Variants in CELF5 observed in about 807,000 individuals in gnomAD.
The protein encoded by CELF5 is CUG-BP and ETR-3 like factor 5.
CELF5 carries 6 observed loss-of-function variants against 54.9 expected under a neutral mutation model. That is an observed-to-expected ratio of 0.11 (90% CI 0.06 to 0.22). CELF5 has a LOEUF of 0.22. Among genes scored for constraint, CELF5 ranks in the 10% least tolerant of loss-of-function variants. CELF5 has a pLI of 1.00. For missense variants in CELF5, 401 were observed against 678.6 expected (o/e 0.59, Z 4.54); for synonymous variants, 271 against 290.9 (o/e 0.93, Z 0.70).
intron 1 of CELF5, among the ~76,000 whole-genome samples, chr19:3,243,623 G>A (rs2079522490): frequency 6.6e-6 from 1 of 152,110 alleles, no homozygotes; most frequent in African/African-American, 2.4e-5. Context: ...GTGCTGATGG[G>A]GAACTGTACG....
intron 2 of CELF5, among the ~76,000 whole-genome samples, chr19:3,272,682 G>A (rs1263924803): frequency 6.6e-6 from 1 of 152,180 alleles, no homozygotes; most frequent in East Asian, 1.9e-4. Context: ...TTCCCTGTCT[G>A]GAGAGAGACA....
At position 3,250,800 on chromosome 19, in the gene CELF5, T is replaced by G. The variant is rs182135388; in HGVS notation, c.260-185T>G. 2.0e-3 allele frequency among the ~76,000 whole-genome samples: 304 copies of G among 152,320 alleles called. 1 individual carries two copies. Among genetic ancestry groups the G allele is most frequent in the African/African-American group, 6.2e-3 (259 of 41,566 alleles). ...AGGTGCATCCATGTTGCAGCCTGTG[T>G]CAGAATTTCCTTCCTTTTCTTGGCT... On this transcript the variant is annotated intron_variant, in intron 1 of 12. Transcript: ENST00000292672.
chr19:3,275,018 T>C lies in CELF5; in HGVS notation c.395-838T>C, dbSNP rs1045835585. ...TCTTTCGCGCGCACTCTCTCTCTGA[T>C]CTGTCTCTCTCTCTCCCTGATTCTC... On this transcript the variant is annotated intron_variant, in intron 3 of 12. Coordinates refer to ENST00000292672, the MANE Select transcript of CELF5 (RefSeq NM_021938.4). This position sits in a 1 kb window ranked among gnomAD's most constrained non-coding sequence, Gnocchi z 6.7. Among the ~76,000 whole-genome samples, 1 of 152,060 alleles carries C rather than the reference T, an allele frequency of 6.6e-6. No homozygotes were observed. Among genetic ancestry groups the C allele is most frequent in the Non-Finnish European group, 1.5e-5 (1 of 68,006 alleles).
intron 2 of CELF5, among the ~76,000 whole-genome samples, chr19:3,271,898 C>T (rs2079971632): frequency 1.3e-5 from 2 of 152,124 alleles, no homozygotes; most frequent in South Asian, 4.1e-4. Flanking sequence ...TTATTTATGG[C>T]AGTGGGTGGA....
At chr19:3,250,872 C>CGGTCGCCGT in intron 1 of CELF5, 113 bp from the exon 2 acceptor site, 2 of 490,876 alleles carry the variant, frequency 4.1e-6, no homozygotes, top group South Asian at 3.8e-5. Context: ...TAGATCTATG[C>CGGTCGCCGT]ATCTGTGGAT....
chr19:3,251,967 G>T (rs898379962), intron 2 of CELF5, among the ~76,000 whole-genome samples: 2 of 148,734 alleles, frequency 1.3e-5, no homozygotes, highest in African/African-American at 2.5e-5. Context: ...GAGCCACCAG[G>T]CCCGGCCAAC....
At chr19:3,285,904 G>A in intron 9 of CELF5, 38 bp from the exon 10 acceptor site, 1 of 1,170,030 alleles carries the variant, frequency 8.5e-7, no homozygotes, top group Non-Finnish European at 1.1e-6. Context: ...GTGGCCTCAC[G>A]CCCCTCCTCG....
rs1359890513 is a variant in CELF5, at chr19:3,258,468, G to T, written c.342+7401G>T. Among the ~76,000 whole-genome samples, 4 of 151,788 alleles carry T rather than the reference G, an allele frequency of 2.6e-5. No homozygotes were observed. In the East Asian group the frequency reaches 7.8e-4, roughly 29 times the overall value. ...TTCTCTTAGAAGGACACTTCTCATT[G>T]GATTTAGGGCTCAGCCTACATCCAG... On this transcript the variant is annotated intron_variant, in intron 2 of 12. Coordinates refer to ENST00000292672, the MANE Select transcript of CELF5 (RefSeq NM_021938.4).
chr19:3,279,062 A>C (rs1303774282), intron 5 of CELF5, among the ~76,000 whole-genome samples: 1 of 152,160 alleles, frequency 6.6e-6, no homozygotes, highest in East Asian at 1.9e-4. Flanking sequence ...GCTAATGTAG[A>C]GGATGGGCAG....
intron 10 of CELF5, among the ~76,000 whole-genome samples, chr19:3,287,300 C>T (rs1261658087): frequency 6.6e-6 from 1 of 150,918 alleles, no homozygotes; most frequent in Non-Finnish European, 1.5e-5. Flanking sequence ...TGGCTCATGC[C>T]TGTAATCCTA....
intron 2 of CELF5, among the ~76,000 whole-genome samples, chr19:3,263,187 C>T (rs994166272): frequency 1.1e-4 from 16 of 139,606 alleles, no homozygotes; most frequent in Admixed American, 1.0e-3. Context: ...GTGAAGTTTG[C>T]GGTGAGCCGA....
Position 3,274,787 on chromosome 19 carries a change from C to T in CELF5, c.394+864C>T, listed in dbSNP as rs116189790. On this transcript the variant is annotated intron_variant, in intron 3 of 12. Coordinates refer to ENST00000292672, the MANE Select transcript of CELF5 (RefSeq NM_021938.4). ...GGATACCTAGGTATATGTAGGAGTC[C>T]GGTAAAGGCCCTCTGGGATGGGAGC... is the stretch of plus-strand genomic sequence containing the variant. 8.4e-3 allele frequency among the ~76,000 whole-genome samples: 1,278 copies of T among 152,156 alleles called. 7 individuals carry two copies. The highest frequency in any genetic ancestry group is 0.03 in the African/African-American group (1,225 of 41,496).
intron 2 of CELF5, among the ~76,000 whole-genome samples, chr19:3,267,102 T>C (rs200852033): frequency 2.4e-5 from 3 of 125,466 alleles, no homozygotes; most frequent in East Asian, 4.3e-4. Context: ...TGTGTGTGTG[T>C]GTGTGCGTGT....
In CELF5 at chr19:3,278,073, C is replaced by T; in HGVS notation, c.566C>T (p.Ala189Val). 1.3e-6 allele frequency: 2 copies of T among 1,586,582 alleles called. No homozygotes were observed. The highest frequency in any genetic ancestry group is 1.7e-6 in the Non-Finnish European group (2 of 1,163,894). ...VKFSSHTEAQ[A>V]AIHALHGSQT... ...TTCTCCTCCCACACGGAGGCGCAGG[C>T]GGCCATCCACGCCTTGCATGGGAGC... The change falls in exon 5 of 13, where the codon GCG (alanine) becomes GTG (valine). Residue 189 changes from alanine to valine, a missense_variant. Ala to Val is a moderately conservative substitution (Grantham distance 64). Transcript: ENST00000292672. The surrounding 1 kb of genome is among the most constrained non-coding windows in gnomAD (Gnocchi z 4.5).
chr19:3,261,637 T>C (rs371953711), intron 2 of CELF5, among the ~76,000 whole-genome samples: 17 of 151,418 alleles, frequency 1.1e-4, no homozygotes, highest in African/African-American at 4.1e-4. Context: ...TTGGGCAACA[T>C]AGAGAGATCC....
rs2079918043 is a variant in CELF5 at position 3,268,802 on chromosome 19, GGAGA to G, written c.343-5064_343-5061del. On this transcript the variant is annotated intron_variant, in intron 2 of 12. Coordinates refer to ENST00000292672, the MANE Select transcript of CELF5 (RefSeq NM_021938.4). This position sits in a 1 kb window ranked among gnomAD's most constrained non-coding sequence, Gnocchi z 4.4. ...CCTGGGCAAGACAATGGAAGCAGAT[GGAGA>G]GAGAGCACGGAAGACTTCAGGGAGG... 6.6e-6 allele frequency among the ~76,000 whole-genome samples: 1 copy of G among 152,062 alleles called. No individual in the cohort carries two copies. The highest frequency in any genetic ancestry group is 6.6e-5 in the Admixed American group (1 of 15,260).
intron 1 of CELF5, among the ~76,000 whole-genome samples, chr19:3,240,982 C>T (rs1291293232): frequency 6.6e-6 from 1 of 152,102 alleles, no homozygotes; most frequent in Non-Finnish European, 1.5e-5. Context: ...GATCCCCCAC[C>T]TTGATCCCCA....
In CELF5 at chr19:3,286,020, G is replaced by T. The variant is rs1274265038; in HGVS notation, c.1181G>T (p.Arg394Leu). 2 of 1,578,214 alleles carry T rather than the reference G, an allele frequency of 1.3e-6. No homozygotes were observed. Among genetic ancestry groups the T allele is most frequent in the East Asian group, 2.4e-5 (1 of 42,472 alleles). Residue 394 changes from arginine (R) to leucine (L), a missense_variant, in exon 10 of 13, where the codon CGA becomes CTA. By Grantham distance (102) the Arg-to-Leu change is moderately radical (BLOSUM62 -2). Around this residue, in one of 6 missense-constraint regions of CELF5, gnomAD observed 59 missense variants for 128.8 expected, o/e 0.46. Transcript: ENST00000292672. ...QPPPLLQQQQ[R>L]EGPEGCNLFI... ...CCGCCCCTCCTGCAGCAGCAGCAGC[G>T]AGAAGGTGAGGCGGCCGCAACCTCC...
At chr19:3,293,765 A>T in intron 12 of CELF5, 4 of 261,042 alleles carry the variant, frequency 1.5e-5, no homozygotes, top group Non-Finnish European at 1.5e-5. Flanking sequence ...GAAGGCTTTG[A>T]GGGCTGAATA....
Sources: gnomAD v4.1 joint callset for allele counts (sites outside exome capture counted in the v4.1 genomes callset) on GRCh38, gnomAD v4.1.1 for gene constraint, gnomAD v4.1.1 regional missense constraint, Gnocchi (gnomAD v3.1) non-coding constraint, MANE v1.5 for transcripts, NCBI Gene and HGNC (gene_info 2026-07-23, HGNC 2026-07-21) for gene names.